SWI5: variants seen among roughly 807,000 people sequenced by gnomAD.
SWI5 encodes DNA repair protein SWI5 homolog.
Under a neutral mutation model 17.0 loss-of-function variants are expected in SWI5, and 12 were observed. The observed-to-expected ratio is 0.71, with a 90% CI of 0.45 to 1.14. The LOEUF (loss-of-function observed/expected upper bound fraction) is 1.14, where lower values mean the gene tolerates loss of function less well. SWI5 is among the 50% of genes most tolerant of loss of function. SWI5 has a pLI of 0.00. For synonymous variants in SWI5, 61 were observed against 64.0 expected (o/e 0.95, Z 0.22); for missense variants, 158 against 162.2 (o/e 0.97, Z 0.14).
upstream of SWI5, chr9:128,275,540 C>T (rs1171612444): frequency 1.6e-6 from 2 of 1,281,528 alleles, no homozygotes; most frequent in African/African-American, 1.6e-5. Context: ...AGTCACGGGC[C>T]CAAAGTCACT....
At position 128,283,142 on chromosome 9, in the gene SWI5, C is replaced by T. The variant is rs190390216; in HGVS notation, c.112-1368C>T. Among the ~76,000 whole-genome samples, 637 of 152,116 alleles carry T rather than the reference C, an allele frequency of 4.2e-3. 21 individuals carry two copies. In the East Asian group the frequency reaches 0.09, roughly 21 times the overall value. On this transcript the variant is annotated intron_variant, in intron 2 of 4. Coordinates refer to ENST00000418976, the Ensembl canonical transcript of SWI5. ...CCAGCCTGGCCAACATGGTGAAACC[C>T]TGTCTCTACTAAAAATACAAAAAAA...
rs931730607 is a variant in SWI5, at chr9:128,285,565, C to T, written c.234-374C>T. On this transcript the variant is annotated intron_variant, in intron 3 of 4. Transcript: ENST00000418976. The surrounding 1 kb of genome is among the most constrained non-coding windows in gnomAD (Gnocchi z 4.8). ...GAACGCCTCCTGGAGTTCCCCACAC[C>T]TCTTGTTCCAGCCACATGGCAGAGA... is the stretch of plus-strand genomic sequence containing the variant. 2.0e-5 allele frequency among the ~76,000 whole-genome samples: 3 copies of T among 151,590 alleles called. No individual in the cohort carries two copies. Among genetic ancestry groups the T allele is most frequent in the Non-Finnish European group, 2.9e-5 (2 of 67,878 alleles).
rs893940459 is a variant in SWI5, at chr9:128,283,490, C to T, written c.112-1020C>T. Among the ~76,000 whole-genome samples, 7 of 106,022 alleles carry T rather than the reference C, an allele frequency of 6.6e-5. No individual in the cohort carries two copies. In the South Asian group the frequency reaches 1.8e-3, roughly 27 times the overall value. 69.6% of individuals were successfully genotyped at this position (106,022 alleles called of 152,430 possible). On this transcript the variant is annotated intron_variant, in intron 2 of 4. Transcript: ENST00000418976. ...CCAGCCTGGGCGACAGAGTGAGACTCCGTCTCCAAAAACAACAACAACAAC... is the reference window on the plus strand; with the variant it reads ...CCAGCCTGGGCGACAGAGTGAGACTTCGTCTCCAAAAACAACAACAACAAC...
intron 2 of SWI5, among the ~76,000 whole-genome samples, chr9:128,282,929 G>A (rs1350214891): frequency 6.6e-6 from 1 of 152,256 alleles, no homozygotes; most frequent in East Asian, 1.9e-4. Context: ...TGTAATCCCA[G>A]CACCTGGGGA....
intron 4 of SWI5, among the ~76,000 whole-genome samples, chr9:128,286,979 A>G (rs897694052): frequency 2.0e-5 from 3 of 151,922 alleles, no homozygotes; most frequent in African/African-American, 7.3e-5. Context: ...AACTGTCTCT[A>G]CTAAAAATAT....
upstream of SWI5, chr9:128,275,836 C>T: frequency 1.1e-6 from 1 of 906,342 alleles, no homozygotes; most frequent in Non-Finnish European, 1.7e-6. Context: ...GGCCATGGTC[C>T]TGCCATCGGA....
intron 2 of SWI5, among the ~76,000 whole-genome samples, chr9:128,280,266 C>G (rs1399783916): frequency 1.3e-5 from 2 of 152,046 alleles, no homozygotes; most frequent in Non-Finnish European, 2.9e-5. Flanking sequence ...CCTCAGCCCA[C>G]CCCAGTGCCC....
At chr9:128,279,197 C>A (rs563867093) in intron 2 of SWI5, among the ~76,000 whole-genome samples, 42 of 152,300 alleles carry the variant, frequency 2.8e-4, no homozygotes, top group African/African-American at 9.6e-4. Context: ...TCCTGCCACT[C>A]CTGAGGTAAA....
intron 2 of SWI5, among the ~76,000 whole-genome samples, chr9:128,280,763 C>T (rs190201730): frequency 8.5e-4 from 129 of 152,254 alleles, no homozygotes; most frequent in African/African-American, 3.0e-3. Context: ...GTGATCCTCC[C>T]GCCTCCGCCT....
chr9:128,288,913 G>A, exon 5 of SWI5: 1 of 606,994 alleles, frequency 1.6e-6, no homozygotes, highest in South Asian at 2.0e-5. Flanking sequence ...CCAGCTCCAA[G>A]GTTCCTGAAA....
intron 2 of SWI5, among the ~76,000 whole-genome samples, chr9:128,283,403 A>G (rs2131421216): frequency 6.6e-6 from 1 of 152,362 alleles, no homozygotes; most frequent in African/African-American, 2.4e-5. Flanking sequence ...AAGCTGAGGC[A>G]GGAGAATTAC....
At chr9:128,288,779 T>C in exon 5 of SWI5, 3 of 1,574,134 alleles carry the variant, frequency 1.9e-6, no homozygotes, top group Non-Finnish European at 2.6e-6. Context: ...TGATAAACAC[T>C]GAGAGCCCAA....
upstream of SWI5, chr9:128,275,594 G>C: frequency 2.0e-6 from 2 of 981,710 alleles, no homozygotes; most frequent in Non-Finnish European, 2.8e-6. Context: ...GGTCCTTGGA[G>C]ACGCCAGCCC....
intron 2 of SWI5, among the ~76,000 whole-genome samples, chr9:128,279,911 C>T (rs1831506744): frequency 6.6e-6 from 1 of 152,172 alleles, no homozygotes; most frequent in Non-Finnish European, 1.5e-5. Flanking sequence ...ACAGAGGGCT[C>T]ACCTCTTGCC....
chr9:128,287,172 C>T (rs1296417506), intron 4 of SWI5, among the ~76,000 whole-genome samples: 1 of 146,850 alleles, frequency 6.8e-6, no homozygotes, highest in African/African-American at 2.5e-5. Flanking sequence ...AGGCCGGGCT[C>T]GCTGGCTCGC....
In SWI5 at chr9:128,276,749, AT is replaced by A. The variant is rs771853936; in HGVS notation, c.106del (p.Ser36ProfsTer26). 1.2e-6 allele frequency: 2 copies of A among 1,611,366 alleles called. No individual in the cohort carries two copies. The highest frequency in any genetic ancestry group is 2.2e-5 in the South Asian group (2 of 90,892). On this transcript the variant is annotated frameshift_variant, in exon 2 of 5. Coordinates refer to ENST00000418976, the Ensembl canonical transcript of SWI5. LOFTEE classifies it high-confidence loss of function. ...CCCGAAGTTGCCGCGGGGCCTTCCG[AT>A]CCCCTGTGAGTATTTCTTCCCCCAC...
chr9:128,283,563 G>A lies in SWI5; in HGVS notation c.112-947G>A, dbSNP rs2131421443. On this transcript the variant is annotated intron_variant, in intron 2 of 4. Coordinates refer to ENST00000418976, the Ensembl canonical transcript of SWI5. The stretch of plus-strand genomic sequence containing the variant: ...GAGAAGAGAGCCCAAGACAGACCTG[G>A]AGCAGATTCTCTGGGGTCAGACTGG... Among the ~76,000 whole-genome samples the A allele has an allele frequency of 1.3e-5, 2 of 152,294 alleles. 1 individual carries two copies. Among genetic ancestry groups the A allele is most frequent in the South Asian group, 4.1e-4 (2 of 4,830 alleles).
At chr9:128,276,155 C>A (rs371883568), upstream of SWI5, 11 of 1,568,338 alleles carry the variant, frequency 7.0e-6, no homozygotes, top group East Asian at 2.5e-4. Flanking sequence ...TATGCAGCGG[C>A]GTGGCCAGAG....
At chr9:128,284,658 G>A in intron 3 of SWI5, 27 bp downstream of exon 3, 2 of 1,608,988 alleles carry the variant, frequency 1.2e-6, no homozygotes, top group Non-Finnish European at 1.7e-6. Flanking sequence ...TCCCCATCAT[G>A]GTTAAGATAA....
Sources: allele counts gnomAD v4.1 joint callset (sites outside exome capture counted in the v4.1 genomes callset), GRCh38; gene constraint gnomAD v4.1.1; non-coding constraint Gnocchi (gnomAD v3.1); transcripts MANE v1.5; gene names NCBI Gene and HGNC (gene_info 2026-07-23, HGNC 2026-07-21).